Variants in SEMA6D observed in about 807,000 individuals in gnomAD.
SEMA6D encodes the protein semaphorin-6D.
Under a neutral mutation model 106.6 loss-of-function variants are expected in SEMA6D, and 35 were observed. The observed-to-expected ratio is 0.33, with a 90% confidence interval of 0.25 to 0.44. The LOEUF (loss-of-function observed/expected upper bound fraction) is 0.44. Ranked by LOEUF, SEMA6D falls within the 20% of genes least tolerant of loss-of-function variation. The pLI is 1.00. For synonymous variants in SEMA6D, 499 were observed against 487.7 expected, an observed-to-expected ratio of 1.02 and a Z score of -0.31; for missense variants, 1,185 against 1,345.9, an observed-to-expected ratio of 0.88 and a Z score of 1.87.
At chr15:47,495,439 T>C (rs994638269) in intron 3 of SEMA6D, among the ~76,000 whole-genome samples, 5 of 152,044 alleles carry the variant, frequency 3.3e-5, no homozygotes, top group African/African-American at 7.2e-5. Flanking sequence ...GGGTTAGCTA[T>C]TGCATGTAGT....
chr15:47,704,790 GA>G (rs1356587851), intron 4 of SEMA6D, among the ~76,000 whole-genome samples: 1 of 152,120 alleles, frequency 6.6e-6, no homozygotes, highest in Non-Finnish European at 1.5e-5. Context: ...AGCAATTGAT[GA>G]TTGATATCCA....
At chr15:47,228,010 TAA>T (rs1484563090) in intron 1 of SEMA6D, among the ~76,000 whole-genome samples, 2,355 of 21,662 alleles carry the variant, frequency 0.11, 53 homozygotes, top group Admixed American at 0.17. Context: ...TTTATATATA[TAA>T]GAATCATATA....
At chr15:47,287,087 G>A (rs1431143244) in intron 1 of SEMA6D, among the ~76,000 whole-genome samples, 2 of 152,114 alleles carry the variant, frequency 1.3e-5, no homozygotes, top group African/African-American at 4.8e-5. Context: ...CTAGGGAAAC[G>A]TGTAATTTTA....
At chr15:47,378,575 C>T (rs543069573) in intron 1 of SEMA6D, among the ~76,000 whole-genome samples, 21 of 152,294 alleles carry the variant, frequency 1.4e-4, no homozygotes, top group East Asian at 1.4e-3. Context: ...AAACTTCTTA[C>T]TAGCTTGCTT....
intron 1 of SEMA6D, among the ~76,000 whole-genome samples, chr15:47,297,191 T>C (rs1198488271): frequency 6.6e-6 from 1 of 152,168 alleles, no homozygotes; most frequent in African/African-American, 2.4e-5. Context: ...AAATAATATA[T>C]TTTAAAATAT....
chr15:47,764,581 A>G, intron 11 of SEMA6D, 57 bp from the exon 12 acceptor site: 1 of 1,597,914 alleles, frequency 6.3e-7, no homozygotes, highest in Non-Finnish European at 8.5e-7. Context: ...CCTTAGATAC[A>G]GTACATGGTG....
chr15:47,279,541 T>G (rs2035004435), intron 1 of SEMA6D, among the ~76,000 whole-genome samples: 1 of 148,750 alleles, frequency 6.7e-6, no homozygotes, highest in Non-Finnish European at 1.5e-5. Context: ...CTAATTGCCC[T>G]GGCCAGAACT....
At chr15:47,770,443 T>G (rs563979276) in intron 18 of SEMA6D, 54 bp from the exon 19 acceptor site, 1 of 1,437,664 alleles carries the variant, frequency 7.0e-7, no homozygotes, top group African/African-American at 1.4e-5. Context: ...ATTTGCTATT[T>G]ATTATTATTT....
intron 1 of SEMA6D, chr15:47,184,502 T>TGC (rs1265347735): frequency 4.6e-5 from 7 of 152,200 alleles, no homozygotes; most frequent in Non-Finnish European, 1.0e-4. Flanking sequence ...ACGGAGGTTC[T>TGC]GCGCGAAAAG....
In SEMA6D at chr15:47,338,861, A is replaced by T. The variant is rs1265606240; in HGVS notation, c.-238-73532A>T. ...CGTCCTTTCATCTGTCCAAGGCAGG[A>T]TTCTAATCTGATTGTAGGCTAAAAT... is the stretch of plus-strand genomic sequence containing the variant. On this transcript the variant is annotated intron_variant, in intron 1 of 19. Coordinates refer to the SEMA6D transcript ENST00000558014. Among the ~76,000 whole-genome samples the T allele has an allele frequency of 2.0e-5, 3 of 152,120 alleles. No homozygotes were observed. In the East Asian group the frequency reaches 5.8e-4, roughly 29 times the overall value.
intron 1 of SEMA6D, among the ~76,000 whole-genome samples, chr15:47,292,868 C>A (rs1566977721): frequency 6.6e-6 from 1 of 152,224 alleles, no homozygotes; most frequent in Middle Eastern, 3.4e-3. Context: ...AATGGGTATA[C>A]CAGTTCAAAT....
intron 3 of SEMA6D, among the ~76,000 whole-genome samples, chr15:47,555,559 C>T (rs1259241175): frequency 6.6e-6 from 1 of 152,076 alleles, no homozygotes; most frequent in Non-Finnish European, 1.5e-5. Flanking sequence ...TATGTGTAGT[C>T]CAAGTTACTA....
At chr15:47,192,663 T>C (rs1465359608) in intron 1 of SEMA6D, among the ~76,000 whole-genome samples, 2 of 152,190 alleles carry the variant, frequency 1.3e-5, no homozygotes, top group African/African-American at 4.8e-5. Context: ...GTACAGAGTA[T>C]ATCTTACAAT....
At chr15:47,643,340 G>T (rs933732345) in intron 4 of SEMA6D, among the ~76,000 whole-genome samples, 2 of 152,154 alleles carry the variant, frequency 1.3e-5, no homozygotes, top group Non-Finnish European at 2.9e-5. Flanking sequence ...ATATCTTGTT[G>T]CACAGTGTAG....
At chr15:47,734,194 C>A (rs2080311130) in intron 1 of SEMA6D, among the ~76,000 whole-genome samples, 2 of 152,174 alleles carry the variant, frequency 1.3e-5, no homozygotes, top group South Asian at 4.1e-4. Context: ...TTTTTAAGAT[C>A]CCTCTAGGTA....
chr15:47,647,586 C>T (rs1356185245), intron 4 of SEMA6D, among the ~76,000 whole-genome samples: 1 of 152,070 alleles, frequency 6.6e-6, no homozygotes, highest in Non-Finnish European at 1.5e-5. Flanking sequence ...AAAATAGAAA[C>T]ATGTTCTCTC....
At chr15:47,257,851 T>C (rs2033887962) in intron 1 of SEMA6D, among the ~76,000 whole-genome samples, 2 of 152,346 alleles carry the variant, frequency 1.3e-5, no homozygotes, top group South Asian at 4.1e-4. Flanking sequence ...AGAAGAGTGT[T>C]AATGTTCCCA....
At chr15:47,211,299 A>G (rs2029996920) in intron 1 of SEMA6D, among the ~76,000 whole-genome samples, 1 of 152,178 alleles carries the variant, frequency 6.6e-6, no homozygotes, top group African/African-American at 2.4e-5. Flanking sequence ...TTCCATACTA[A>G]TAATTATGGA....
intron 3 of SEMA6D, among the ~76,000 whole-genome samples, chr15:47,554,209 A>G (rs1655308635): frequency 6.6e-6 from 1 of 152,222 alleles, no homozygotes; most frequent in African/African-American, 2.4e-5. Context: ...ATCTGAACTC[A>G]GACACTCTAG....
Sources: allele counts gnomAD v4.1 joint callset (sites outside exome capture counted in the v4.1 genomes callset), GRCh38; gene constraint gnomAD v4.1.1; transcripts MANE v1.5; gene names NCBI Gene and HGNC (gene_info 2026-07-23, HGNC 2026-07-21).